Variants in SLC27A5 observed in about 807,000 individuals in gnomAD.
SLC27A5 encodes long-chain fatty acid transport protein 5.
Under a neutral mutation model 63.1 loss-of-function variants are expected in SLC27A5, and 47 were observed. The observed-to-expected ratio is 0.74, with a 90% confidence interval of 0.59 to 0.95. SLC27A5 has a LOEUF of 0.95. Among genes scored for constraint, SLC27A5 ranks in the 40% least tolerant of loss-of-function variants. The pLI, the probability that SLC27A5 is intolerant of heterozygous loss-of-function variation, is 0.00. For missense variants in SLC27A5, 940 were observed against 921.0 expected (o/e 1.02, Z -0.27); for synonymous variants, 391 against 403.8 (o/e 0.97, Z 0.38).
At chr19:58,503,153 C>G (rs753055030) in intron 3 of SLC27A5, among the ~76,000 whole-genome samples, 2 of 149,592 alleles carry the variant, frequency 1.3e-5, no homozygotes, top group Non-Finnish European at 3.0e-5. Flanking sequence ...TGCAGTGAGC[C>G]GAGATAGCGC....
chr19:58,502,331 A>G (rs552490347), intron 3 of SLC27A5, among the ~76,000 whole-genome samples: 1 of 144,434 alleles, frequency 6.9e-6, no homozygotes, highest in East Asian at 2.2e-4. Flanking sequence ...GAACAGTTAG[A>G]GTAGTGAGTG....
At position 58,510,814 on chromosome 19, in the gene SLC27A5, C is replaced by T; in HGVS notation, c.805G>A (p.Asp269Asn). The change falls in exon 2 of 10, where the codon GAT becomes AAT. Residue 269 changes from aspartate to asparagine, a missense_variant. Asp to Asn is a conservative substitution (Grantham distance 23). Coordinates refer to ENST00000263093, the MANE Select transcript of SLC27A5 (RefSeq NM_012254.3). Reference sequence around the variant, plus strand: ...GGCACTGGGTGGGAGGGCGCTGCATCCAGGGCAGCCCCCAGAGCCCCCACC... The same window carrying T: ...GGCACTGGGTGGGAGGGCGCTGCATTCAGGGCAGCCCCCAGAGCCCCCACC... ...PGVGALGAAL[D>N]AAPSHPVPAD... is the part of the protein sequence containing the mutation. 1 of 1,613,484 alleles carries T rather than the reference C, an allele frequency of 6.2e-7. No homozygotes were observed. Among genetic ancestry groups the T allele is most frequent in the Non-Finnish European group, 8.5e-7 (1 of 1,179,854 alleles).
At chr19:58,506,662 T>TC (rs1310459364) in intron 3 of SLC27A5, among the ~76,000 whole-genome samples, 9 of 152,032 alleles carry the variant, frequency 5.9e-5, no homozygotes, top group African/African-American at 1.9e-4. Flanking sequence ...TTTTTTTTTT[T>TC]TTGCAAGGGA....
In SLC27A5 at chr19:58,510,710, G is replaced by A. The variant is rs1208436142; in HGVS notation, c.898+11C>T. 6.3e-7 allele frequency: 1 copy of A among 1,589,300 alleles called. No individual in the cohort carries two copies. The highest frequency in any genetic ancestry group is 8.6e-7 in the Non-Finnish European group (1 of 1,165,154). On this transcript the variant is annotated intron_variant, in intron 2 of 9. Coordinates refer to ENST00000263093, the MANE Select transcript of SLC27A5 (RefSeq NM_012254.3). Reference sequence around the variant, plus strand: ...TCAGAGGCTGGTGCTAGGGCTAATGGGCACCCTCACCAGTGGTCCCCGAGG... The same window carrying A: ...TCAGAGGCTGGTGCTAGGGCTAATGAGCACCCTCACCAGTGGTCCCCGAGG...
In SLC27A5 at chr19:58,500,677, G is replaced by A. The variant is rs1299435008; in HGVS notation, c.1212C>T (p.Arg404=). Reference sequence around the variant, plus strand: ...CCCGTAGTCCATTGCCCATTGCCAGGCGGACTGTATGTGTCCGGTCCTCTG... The same window carrying A: ...CCCGTAGTCCATTGCCCATTGCCAGACGGACTGTATGTGTCCGGTCCTCTG... ...QQPEDRTHTV[R]LAMGNGLRAD... Residue 404 remains arginine, a synonymous_variant, in exon 5 of 10, where the codon CGC becomes CGT. Transcript: ENST00000263093. The A allele has an allele frequency of 5.0e-6, 8 of 1,613,986 alleles. No homozygotes were observed. In the Admixed American group the frequency reaches 1.3e-4, roughly 27 times the overall value.
chr19:58,511,287 C>T lies in SLC27A5; in HGVS notation c.669G>A (p.Arg223=). 6.4e-7 allele frequency: 1 copy of T among 1,552,658 alleles called. No individual in the cohort carries two copies. The highest frequency in any genetic ancestry group is 8.7e-7 in the Non-Finnish European group (1 of 1,144,582). ...LAHSVLSSGA[R]VLVVDPDLRE... ...CCTCACCTGGGTCCACCACCAGCAC[C>T]CGGGCCCCAGAGCTCAGCACAGAGT... The change falls in exon 1 of 10, where the codon CGG becomes CGA. Residue 223 remains arginine (R), a synonymous_variant. Transcript: ENST00000263093.
intron 7 of SLC27A5, 125 bp downstream of exon 7, chr19:58,499,367 G>A: frequency 2.2e-6 from 3 of 1,337,906 alleles, no homozygotes; most frequent in Non-Finnish European, 3.1e-6. Context: ...CGCGTGAGAA[G>A]TCCTGACTCC....
At chr19:58,510,607 C>T in intron 2 of SLC27A5, 114 bp downstream of exon 2, 1 of 945,636 alleles carries the variant, frequency 1.1e-6, no homozygotes, top group Non-Finnish European at 1.5e-6. Flanking sequence ...AAACAAATGT[C>T]AAAATCAGAG....
rs773634059 is a variant in SLC27A5, at chr19:58,498,569, C to A, written c.2019G>T (p.Arg673=). Residue 673 remains arginine, a synonymous_variant, in exon 10 of 10, where the codon CGG becomes CGT. Transcript: ENST00000263093. ...CCTGGTACATTTCTGCCGTCAGGGG[C>A]CGGAAGGACTGGGCCCGGTTGTCCA... is the stretch of plus-strand genomic sequence containing the variant. ...FVLDNRAQSF[R]PLTAEMYQAV... 11 of 1,613,896 alleles carry A rather than the reference C, an allele frequency of 6.8e-6. No individual in the cohort carries two copies. The highest frequency in any genetic ancestry group is 9.3e-6 in the Non-Finnish European group (11 of 1,179,988).
At position 58,500,595 on chromosome 19, in the gene SLC27A5, A is replaced by T; in HGVS notation, c.1294T>A (p.Tyr432Asn). 1 of 1,614,160 alleles carries T rather than the reference A, an allele frequency of 6.2e-7. No homozygotes were observed. The highest frequency in any genetic ancestry group is 8.5e-7 in the Non-Finnish European group (1 of 1,180,028). ...RFGPIRIWEVYGSTEGNMGLV... is the reference protein window; with the variant it reads ...RFGPIRIWEVNGSTEGNMGLV... ...CCCATGTTGCCTTCTGTGGAGCCGT[A>T]GACTTCCCAGATCCGAATAGGACCG... The change falls in exon 5 of 10, where the codon TAC becomes AAC. Residue 432 changes from tyrosine (Y) to asparagine (N), a missense_variant. Transcript: ENST00000263093.
At chr19:58,502,694 G>A (rs1384717076) in intron 3 of SLC27A5, among the ~76,000 whole-genome samples, 1 of 150,868 alleles carries the variant, frequency 6.6e-6, no homozygotes, top group Non-Finnish European at 1.5e-5. Flanking sequence ...TGAGTAGATG[G>A]ATGGGTGGAC....
At chr19:58,507,994 C>T (rs951316985) in intron 3 of SLC27A5, 13 of 152,328 alleles carry the variant, frequency 8.5e-5, no homozygotes, top group Admixed American at 2.6e-4. Context: ...ATCAGTTCTG[C>T]TTTTGCCCTT....
At position 58,511,715 on chromosome 19, in the gene SLC27A5, G is replaced by A. The variant is rs1255967760; in HGVS notation, c.241C>T (p.Pro81Ser). ...LALTLLPARLPPGLRWLPADV... is the reference protein window; with the variant it reads ...LALTLLPARLSPGLRWLPADV... ...GCCGGCAGCCAGCGTAGTCCTGGGG[G>A]CAGCCGTGCTGGCAGGAGGGTTAGT... Residue 81 changes from proline (P) to serine (S), a missense_variant, in exon 1 of 10, where the codon CCC becomes TCC. By Grantham distance (74) the Pro-to-Ser change is moderately conservative. Coordinates refer to ENST00000263093, the MANE Select transcript of SLC27A5 (RefSeq NM_012254.3). 6.4e-7 allele frequency: 1 copy of A among 1,559,330 alleles called. No homozygotes were observed. The highest frequency in any genetic ancestry group is 1.4e-5 in the African/African-American group (1 of 73,694).
At position 58,511,308 on chromosome 19, in the gene SLC27A5, A is replaced by G; in HGVS notation, c.648T>C (p.Ser216=). The G allele has an allele frequency of 6.3e-7, 1 of 1,582,028 alleles. No individual in the cohort carries two copies. Among genetic ancestry groups the G allele is most frequent in the South Asian group, 1.1e-5 (1 of 88,028 alleles). ...PHGRGMPLAH[S]VLSSGARVLV... Reference sequence around the variant, plus strand: ...GCACCCGGGCCCCAGAGCTCAGCACAGAGTGCGCCAGGGGCATCCCCCGGC... The same window carrying G: ...GCACCCGGGCCCCAGAGCTCAGCACGGAGTGCGCCAGGGGCATCCCCCGGC... Residue 216 remains serine (S), a synonymous_variant, in exon 1 of 10, where the codon TCT becomes TCC. Coordinates refer to ENST00000263093, the MANE Select transcript of SLC27A5 (RefSeq NM_012254.3).
chr19:58,509,651 G>A (rs755765057), intron 3 of SLC27A5, 196 bp downstream of exon 3: 9 of 508,050 alleles, frequency 1.8e-5, no homozygotes, highest in Non-Finnish European at 2.4e-5. Context: ...CCTGACCAAA[G>A]CATGGCCATC....
chr19:58,503,495 C>T (rs141220693), intron 3 of SLC27A5, among the ~76,000 whole-genome samples: 1 of 151,468 alleles, frequency 6.6e-6, no homozygotes, highest in Non-Finnish European at 1.5e-5. Context: ...AACCCTATCT[C>T]TACCAAAAAA....
At chr19:58,499,930 G>C (rs1238992929) in intron 6 of SLC27A5, among the ~76,000 whole-genome samples, 2 of 152,150 alleles carry the variant, frequency 1.3e-5, no homozygotes, top group Non-Finnish European at 2.9e-5. Flanking sequence ...TGAGAAACAG[G>C]AAAAGGATAA....
chr19:58,503,855 G>A (rs2053311887), intron 3 of SLC27A5, among the ~76,000 whole-genome samples: 1 of 152,198 alleles, frequency 6.6e-6, no homozygotes, highest in Non-Finnish European at 1.5e-5. Context: ...GCTCACACCT[G>A]TAATCTCAGC....
rs576650741 is a variant in SLC27A5, at chr19:58,501,344, C to G, written c.1124G>C (p.Gly375Ala). ...SCFWDDCRQH[G>A]VTVILYVGEL... ...GCCCACATACAGGATCACTGTCACGCCATGCTGCCGACAGTCATCCCAGAA... is the reference window on the plus strand; with the variant it reads ...GCCCACATACAGGATCACTGTCACGGCATGCTGCCGACAGTCATCCCAGAA... Residue 375 changes from glycine to alanine, a missense_variant, in exon 4 of 10, where the codon GGC becomes GCC. By Grantham distance (60) the Gly-to-Ala change is moderately conservative. Transcript: ENST00000263093. The G allele has an allele frequency of 1.2e-6, 2 of 1,613,852 alleles. No individual in the cohort carries two copies. The highest frequency in any genetic ancestry group is 8.5e-7 in the Non-Finnish European group (1 of 1,179,810).
Sources: allele counts gnomAD v4.1 joint callset (sites outside exome capture counted in the v4.1 genomes callset), GRCh38; gene constraint gnomAD v4.1.1; transcripts MANE v1.5; gene names NCBI Gene and HGNC (gene_info 2026-07-23, HGNC 2026-07-21).